PRR16: variants seen among roughly 807,000 people sequenced by gnomAD.
PRR16 encodes the protein protein Largen.
PRR16 carries 6 observed loss-of-function variants against 18.2 expected under a neutral mutation model. The observed-to-expected ratio is 0.33, with a 90% confidence interval of 0.18 to 0.65. PRR16 has a LOEUF of 0.65. Ranked by LOEUF, PRR16 falls within the 30% of genes least tolerant of loss-of-function variation. PRR16 has a pLI of 0.74. For missense variants in PRR16, 412 were observed against 376.6 expected (o/e 1.09, Z -0.78); for synonymous variants, 151 against 147.8 (o/e 1.02, Z -0.16).
intron 1 of PRR16, among the ~76,000 whole-genome samples, chr5:120,657,261 T>C (rs1756013864): frequency 6.6e-6 from 1 of 151,972 alleles, no homozygotes; most frequent in African/African-American, 2.4e-5. Context: ...CAATTGAGGA[T>C]AAACTTAGAG....
At chr5:120,467,945 C>G (rs181612028) in intron 1 of PRR16, among the ~76,000 whole-genome samples, 1 of 152,138 alleles carries the variant, frequency 6.6e-6, no homozygotes, top group East Asian at 1.9e-4. Flanking sequence ...TAAATTGCTA[C>G]CAAGATGAAT....
At position 120,596,328 on chromosome 5, in the gene PRR16, G is replaced by C. The variant is rs528632188; in HGVS notation, c.160-89626G>C. ...GGACAGACTCAGTCCCCAGGGTGAA[G>C]TTAAAACATCTGAAGGAAGAGCTGA... is the stretch of plus-strand genomic sequence containing the variant. On this transcript the variant is annotated intron_variant, in intron 1 of 1. Coordinates refer to ENST00000407149, the MANE Select transcript of PRR16 (RefSeq NM_001300783.2). 1.1e-4 allele frequency among the ~76,000 whole-genome samples: 16 copies of C among 151,750 alleles called. No individual in the cohort carries two copies. The South Asian group carries it at 3.3e-3, about 32-fold the overall frequency.
Position 120,686,022 on chromosome 5 carries a change from A to G in PRR16, c.228A>G (p.Lys76=). 1 of 1,614,134 alleles carries G rather than the reference A, an allele frequency of 6.2e-7. No individual in the cohort carries two copies. Among genetic ancestry groups the G allele is most frequent in the Non-Finnish European group, 8.5e-7 (1 of 1,179,996 alleles). The change falls in exon 2 of 2, where the codon AAA becomes AAG. Residue 76 remains lysine, a synonymous_variant. Coordinates refer to ENST00000407149, the MANE Select transcript of PRR16 (RefSeq NM_001300783.2). ...AGGATGAGATGACTGACAGCTCCAA[A>G]ACGGACACGCTGAATAGTAGCTCAA... is the stretch of plus-strand genomic sequence containing the variant. ...QLEDEMTDSS[K]TDTLNSSSSG... is the part of the protein sequence containing the mutation.
chr5:120,576,013 T>C (rs1438099154), intron 1 of PRR16, among the ~76,000 whole-genome samples: 1 of 152,086 alleles, frequency 6.6e-6, no homozygotes, highest in Non-Finnish European at 1.5e-5. Context: ...CCTCACCATA[T>C]ACAAAAATGA....
chr5:120,717,648 A>T, the PRR16 span, among the ~76,000 whole-genome samples: 1 of 152,138 alleles, frequency 6.6e-6, no homozygotes, highest in Non-Finnish European at 1.5e-5. Flanking sequence ...TTGACTTTTA[A>T]AAGGAAAAAG....
chr5:120,526,526 G>C (rs530801240), intron 1 of PRR16, among the ~76,000 whole-genome samples: 1 of 152,108 alleles, frequency 6.6e-6, no homozygotes, highest in Admixed American at 6.6e-5. Context: ...TCGTGTTATA[G>C]TGTATTACTG....
At chr5:120,490,773 T>C (rs770451886) in intron 1 of PRR16, among the ~76,000 whole-genome samples, 5 of 152,022 alleles carry the variant, frequency 3.3e-5, no homozygotes, top group Non-Finnish European at 5.9e-5. Context: ...TTTTTCCCCA[T>C]CTTTGTGCTT....
the PRR16 span, among the ~76,000 whole-genome samples, chr5:120,695,250 A>G: frequency 1.3e-5 from 2 of 152,200 alleles, no homozygotes; most frequent in African/African-American, 2.4e-5. Flanking sequence ...TTGAAAATAC[A>G]GTACTGAAGT....
intron 1 of PRR16, among the ~76,000 whole-genome samples, chr5:120,515,696 T>G (rs1233992436): frequency 2.0e-5 from 3 of 152,202 alleles, no homozygotes; most frequent in Non-Finnish European, 4.4e-5. Flanking sequence ...CTTGTATGTA[T>G]GTGGATATTT....
chr5:120,546,674 T>G (rs1752084009), intron 1 of PRR16, among the ~76,000 whole-genome samples: 1 of 152,090 alleles, frequency 6.6e-6, no homozygotes, highest in Non-Finnish European at 1.5e-5. Context: ...TAGAGATTTT[T>G]TTTTCAGTTC....
chr5:120,679,517 C>T (rs1002245338), intron 1 of PRR16, among the ~76,000 whole-genome samples: 5 of 152,108 alleles, frequency 3.3e-5, no homozygotes, highest in Admixed American at 2.6e-4. Context: ...GATTTATTTA[C>T]TTCTCACTTG....
the PRR16 span, among the ~76,000 whole-genome samples, chr5:120,757,249 A>G: frequency 6.6e-6 from 1 of 152,056 alleles, no homozygotes; most frequent in African/African-American, 2.4e-5. Context: ...GTTGGGTAAC[A>G]TGATGCCTCT....
intron 1 of PRR16, among the ~76,000 whole-genome samples, chr5:120,497,281 T>A (rs1750279275): frequency 6.6e-6 from 1 of 152,018 alleles, no homozygotes; most frequent in Admixed American, 6.6e-5. Flanking sequence ...ACCCCGTCAG[T>A]TTTGAGGAAG....
chr5:120,628,671 CTAT>C lies in PRR16; in HGVS notation c.160-57282_160-57280del, dbSNP rs569240156. Among the ~76,000 whole-genome samples the C allele has an allele frequency of 8.0e-3, 875 of 109,102 alleles. 11 individuals carry two copies. Among genetic ancestry groups the C allele is most frequent in the African/African-American group, 0.02 (730 of 36,392 alleles). The allele number at this position is 109,102 out of a possible 152,430, so 71.6% of individuals were successfully genotyped here. ...ACCTTCTATCTATCTACCTACCTAT[CTAT>C]CTATCTATCTATCATTCTACCATCT... On this transcript the variant is annotated intron_variant, in intron 1 of 1. Transcript: ENST00000407149.
At chr5:120,656,521 A>G (rs966653649) in intron 1 of PRR16, among the ~76,000 whole-genome samples, 1 of 151,752 alleles carries the variant, frequency 6.6e-6, no homozygotes, top group African/African-American at 2.4e-5. Context: ...CTCTGGAATA[A>G]GGGAAAAATC....
intron 1 of PRR16, among the ~76,000 whole-genome samples, chr5:120,528,636 C>T (rs1751449018): frequency 6.6e-6 from 1 of 152,048 alleles, no homozygotes. Flanking sequence ...GGATGGGGGA[C>T]CTCAATTTTA....
the PRR16 span, among the ~76,000 whole-genome samples, chr5:120,694,045 C>G: frequency 2.0e-5 from 3 of 152,196 alleles, no homozygotes; most frequent in Non-Finnish European, 4.4e-5. Context: ...CTTTGAAGGA[C>G]ACCACCTGCC....
intron 1 of PRR16, among the ~76,000 whole-genome samples, chr5:120,487,960 G>GCA (rs1274567805): frequency 1.3e-5 from 2 of 152,108 alleles, no homozygotes; most frequent in Non-Finnish European, 2.9e-5. Flanking sequence ...TTATTGATTT[G>GCA]TGTATGTTGA....
the PRR16 span, among the ~76,000 whole-genome samples, chr5:120,791,639 T>TATC: frequency 2.7e-5 from 4 of 145,630 alleles, no homozygotes; most frequent in South Asian, 2.2e-4. Flanking sequence ...ATCTATCATC[T>TATC]ATCTATCTAT....
Sources: gnomAD v4.1 joint callset for allele counts (sites outside exome capture counted in the v4.1 genomes callset) on GRCh38, gnomAD v4.1.1 for gene constraint, MANE v1.5 for transcripts, NCBI Gene and HGNC (gene_info 2026-07-23, HGNC 2026-07-21) for gene names.